Variants in C11orf58 observed in about 807,000 individuals in gnomAD.
The protein encoded by C11orf58 is small acidic protein.
C11orf58 carries 5 observed loss-of-function variants against 22.7 expected under a neutral mutation model. The observed-to-expected ratio is 0.22, with a 90% CI of 0.12 to 0.46. The LOEUF is 0.46. C11orf58 is among the 20% of genes least tolerant of loss of function. C11orf58 has a pLI of 0.99. For missense variants in C11orf58, 151 were observed against 223.3 expected (o/e 0.68, Z 2.06); for synonymous variants, 71 against 70.7 (o/e 1.00, Z -0.02).
Position 16,740,225 on chromosome 11 carries a change from G to C in C11orf58, c.63+1384G>C, listed in dbSNP as rs144716033. ...ATGTGACTTGATTGCTAGGATATCA[G>C]ACACCTGTTTGGAAATATCTTTTAG... On this transcript the variant is annotated intron_variant, in intron 1 of 4. Transcript: ENST00000228136. 8.2e-4 allele frequency among the ~76,000 whole-genome samples: 125 copies of C among 152,280 alleles called. 1 individual carries two copies. Among genetic ancestry groups the C allele is most frequent in the African/African-American group, 2.7e-3 (114 of 41,554 alleles).
intron 1 of C11orf58, among the ~76,000 whole-genome samples, chr11:16,742,742 A>G (rs924523670): frequency 3.9e-5 from 6 of 152,186 alleles, no homozygotes; most frequent in Non-Finnish European, 8.8e-5. Context: ...AGTGCAAAAC[A>G]ACTTTATTAG....
chr11:16,740,807 T>C (rs1411605890), intron 1 of C11orf58, among the ~76,000 whole-genome samples: 1 of 140,080 alleles, frequency 7.1e-6, no homozygotes, highest in East Asian at 2.1e-4. Context: ...AAAAAAAAAC[T>C]AGCAGGCCGG....
chr11:16,751,535 T>C (rs941975990), intron 3 of C11orf58: 1 of 150,960 alleles, frequency 6.6e-6, no homozygotes, highest in African/African-American at 2.4e-5. Flanking sequence ...TTGTGTGACA[T>C]ATTCAATCTG....
intron 2 of C11orf58, among the ~76,000 whole-genome samples, chr11:16,745,036 G>A (rs1463784451): frequency 6.6e-6 from 1 of 152,132 alleles, no homozygotes; most frequent in African/African-American, 2.4e-5. Flanking sequence ...GGAACCTCTG[G>A]CCAAAGTGAA....
In C11orf58 at chr11:16,757,486, C is replaced by T. The variant is rs1848589706; in HGVS notation, c.*2382C>T. On this transcript the variant is annotated 3_prime_UTR_variant, in exon 5 of 5. Coordinates refer to ENST00000228136, the MANE Select transcript of C11orf58 (RefSeq NM_014267.6). ...TTAGAGTAAATTTAGGTCTGTTGGT[C>T]CATGTGGCCTGGTTTCCTAGCACCC... Among the ~76,000 whole-genome samples, 1 of 152,128 alleles carries T rather than the reference C, an allele frequency of 6.6e-6. No homozygotes were observed. Among genetic ancestry groups the T allele is most frequent in the African/African-American group, 2.4e-5 (1 of 41,430 alleles).
rs1199622646 is a variant in C11orf58 at position 16,738,689 on chromosome 11, T to C, written c.-90T>C. 3 of 1,426,430 alleles carry C rather than the reference T, an allele frequency of 2.1e-6. No homozygotes were observed. The highest frequency in any genetic ancestry group is 2.3e-5 in the East Asian group (1 of 43,966). The allele number at this position is 1,426,430 out of a possible 1,614,324, so 88.4% of individuals were successfully genotyped here. A position where few individuals can be genotyped will look rare whatever the true frequency, so the allele number is the denominator to read the frequency against. ...GCTCTGCGTTCTGTAGTGGCGCTGC[T>C]TGGGCCCTTGGCGGATTGTAAGCTG... On this transcript the variant is annotated 5_prime_UTR_variant, in exon 1 of 5. Coordinates refer to ENST00000228136, the MANE Select transcript of C11orf58 (RefSeq NM_014267.6).
In C11orf58 at chr11:16,756,680, G is replaced by T. The variant is rs1848580570; in HGVS notation, c.*1576G>T. ...TCCCAGCACTTTGGGAGGCCGAGGT[G>T]GCTGGATCACCTGAAGTCAGGAGTT... On this transcript the variant is annotated 3_prime_UTR_variant, in exon 5 of 5. Coordinates refer to ENST00000228136, the MANE Select transcript of C11orf58 (RefSeq NM_014267.6). 1 of 151,774 alleles carries T rather than the reference G, an allele frequency of 6.6e-6. No individual in the cohort carries two copies. The highest frequency in any genetic ancestry group is 2.4e-5 in the African/African-American group (1 of 41,328). 9.4% of individuals were successfully genotyped at this position (151,774 alleles called of 1,614,324 possible).
chr11:16,753,360 T>C (rs1848548478), intron 4 of C11orf58, among the ~76,000 whole-genome samples: 1 of 152,032 alleles, frequency 6.6e-6, no homozygotes, highest in Non-Finnish European at 1.5e-5. Context: ...TGAGCCACCA[T>C]ACCCGGCCTT....
Position 16,757,606 on chromosome 11 carries a change from T to C in C11orf58, c.*2502T>C, listed in dbSNP as rs182611904. Among the ~76,000 whole-genome samples the C allele has an allele frequency of 6.6e-6, 1 of 152,348 alleles. No homozygotes were observed. Among genetic ancestry groups the C allele is most frequent in the East Asian group, 1.9e-4 (1 of 5,188 alleles). On this transcript the variant is annotated 3_prime_UTR_variant, in exon 5 of 5. Coordinates refer to ENST00000228136, the MANE Select transcript of C11orf58 (RefSeq NM_014267.6). ...CAACTGATGTCATGCTGTCTTGGTATCCATACTAAAAAAGTATCAGGAAAA... is the reference window on the plus strand; with the variant it reads ...CAACTGATGTCATGCTGTCTTGGTACCCATACTAAAAAAGTATCAGGAAAA...
At chr11:16,742,195 A>AT (rs888199209) in intron 1 of C11orf58, among the ~76,000 whole-genome samples, 4 of 152,208 alleles carry the variant, frequency 2.6e-5, no homozygotes, top group Non-Finnish European at 5.9e-5. Flanking sequence ...TTTTTACACA[A>AT]TTTTTTAACT....
intron 4 of C11orf58, among the ~76,000 whole-genome samples, chr11:16,753,671 C>A (rs1420826940): frequency 6.6e-6 from 1 of 151,922 alleles, no homozygotes; most frequent in Non-Finnish European, 1.5e-5. Context: ...CCTCACCTGG[C>A]CTGTTTCTAA....
chr11:16,750,453 G>C (rs899568403), intron 3 of C11orf58: 1 of 152,212 alleles, frequency 6.6e-6, no homozygotes, highest in Non-Finnish European at 1.5e-5. Flanking sequence ...TTTACTACTG[G>C]TGAAGAGTTG....
At chr11:16,743,764 GAATAATGAATTATAAATAATGAATTATA>G (rs1330549128) in intron 1 of C11orf58, among the ~76,000 whole-genome samples, 2 of 151,840 alleles carry the variant, frequency 1.3e-5, no homozygotes, top group Admixed American at 6.6e-5. Flanking sequence ...GCATAGTTGA[GAATAATGAATTATAAATAATGAATTATA>G]AATAATGAAC....
At position 16,756,588 on chromosome 11, in the gene C11orf58, A is replaced by T. The variant is rs1171645525; in HGVS notation, c.*1484A>T. Among the ~76,000 whole-genome samples the T allele has an allele frequency of 6.7e-6, 1 of 150,064 alleles. No individual in the cohort carries two copies. The highest frequency in any genetic ancestry group is 1.5e-5 in the Non-Finnish European group (1 of 67,554). On this transcript the variant is annotated 3_prime_UTR_variant, in exon 5 of 5. Transcript: ENST00000228136. ...CCAGCCTTGGAGTGTTGGAATTTTT[A>T]AAAATTATTCTTATGTCACTTTGAA...
rs572723211 is a variant in C11orf58 at position 16,758,200 on chromosome 11, T to C, written c.*3096T>C. On this transcript the variant is annotated 3_prime_UTR_variant, in exon 5 of 5. Transcript: ENST00000228136. ...TAGGCTTCCTGATCTATCAATTCAG[T>C]ATCATGATTGTTAACCCAAACGACT... is the stretch of plus-strand genomic sequence containing the variant. Among the ~76,000 whole-genome samples, 1 of 152,120 alleles carries C rather than the reference T, an allele frequency of 6.6e-6. No individual in the cohort carries two copies. The highest frequency in any genetic ancestry group is 6.6e-5 in the Admixed American group (1 of 15,250).
At chr11:16,748,745 CA>C (rs544745543) in intron 3 of C11orf58, among the ~76,000 whole-genome samples, 32 of 134,898 alleles carry the variant, frequency 2.4e-4, no homozygotes, top group Admixed American at 3.7e-4. Flanking sequence ...ACTCTGTCTC[CA>C]AAAAAAAAAA....
In C11orf58 at chr11:16,757,259, G is replaced by A. The variant is rs951329107; in HGVS notation, c.*2155G>A. On this transcript the variant is annotated 3_prime_UTR_variant, in exon 5 of 5. Coordinates refer to ENST00000228136, the MANE Select transcript of C11orf58 (RefSeq NM_014267.6). ...TGAAGACTGATTTTTACTTAAGAAT[G>A]GGATAGAGATGAGTTTTATGGTTTT... 3.3e-5 allele frequency among the ~76,000 whole-genome samples: 5 copies of A among 152,178 alleles called. 1 individual carries two copies. The highest frequency in any genetic ancestry group is 6.5e-5 in the Admixed American group (1 of 15,274).
Position 16,755,298 on chromosome 11 carries a change from G to A in C11orf58, c.*194G>A. 1.9e-6 allele frequency: 1 copy of A among 532,532 alleles called. No individual in the cohort carries two copies. The highest frequency in any genetic ancestry group is 3.2e-6 in the Non-Finnish European group (1 of 310,952). 33.0% of individuals were successfully genotyped at this position (532,532 alleles called of 1,614,324 possible). ...ATGACTATAACCATTTTTGTAAAGA[G>A]TAAGAGTTGTATAAAATAAGAAATA... On this transcript the variant is annotated 3_prime_UTR_variant, in exon 5 of 5. Transcript: ENST00000228136.
chr11:16,751,969 C>T (rs912488927), intron 3 of C11orf58: 2 of 152,140 alleles, frequency 1.3e-5, no homozygotes, highest in Non-Finnish European at 2.9e-5. Context: ...GAGATTGCCA[C>T]GAAAGCACTG....
Sources: allele counts gnomAD v4.1 joint callset (sites outside exome capture counted in the v4.1 genomes callset), GRCh38; gene constraint gnomAD v4.1.1; transcripts MANE v1.5; gene names NCBI Gene and HGNC (gene_info 2026-07-23, HGNC 2026-07-21).